The following ATP5F1C variants were observed in gnomAD, a reference collection of about 807,000 sequenced individuals.
ATP5F1C encodes ATP synthase F1 subunit gamma, also known as ATP synthase F(1) complex subunit gamma, mitochondrial.
ATP5F1C carries 22 observed loss-of-function variants against 37.4 expected under a neutral mutation model. That is an observed-to-expected ratio of 0.59 (90% CI 0.42 to 0.84). The LOEUF is 0.84. Among genes scored for constraint, ATP5F1C ranks in the 40% least tolerant of loss-of-function variants. The probability of loss-of-function intolerance (pLI) is 0.00; values close to 1 mark genes in which losing one functional copy is unlikely to be tolerated. For missense variants in ATP5F1C, 286 were observed against 362.4 expected (o/e 0.79, Z 1.71); for synonymous variants, 121 against 128.0 (o/e 0.95, Z 0.37).
In ATP5F1C at chr10:7,802,282, T is replaced by A; in HGVS notation, c.650T>A (p.Ile217Asn). The A allele has an allele frequency of 6.2e-7, 1 of 1,611,184 alleles. No individual in the cohort carries two copies. Among genetic ancestry groups the A allele is most frequent in the African/African-American group, 1.3e-5 (1 of 74,996 alleles). ...CTTGTTTTAACAGACAGCATGAGTA[T>A]CTATGACGATATTGATGCTGACGTG... ...NTVASADSMS[I>N]YDDIDADVLQ... The change falls in exon 7 of 10, where the codon ATC becomes AAC. Residue 217 changes from isoleucine to asparagine, a missense_variant. Physicochemically the swap from Ile to Asn is moderately radical, Grantham distance 149. Coordinates refer to ENST00000356708, the MANE Select transcript of ATP5F1C (RefSeq NM_001001973.3).
rs775348836 is a variant in ATP5F1C, at chr10:7,802,277, G to A, written c.645G>A (p.Met215Ile). ...CATCACTTGTTTTAACAGACAGCATGAGTATCTATGACGATATTGATGCTG... is the reference window on the plus strand; with the variant it reads ...CATCACTTGTTTTAACAGACAGCATAAGTATCTATGACGATATTGATGCTG... ...SLNTVASADS[M>I]SIYDDIDADV... Residue 215 changes from methionine (M) to isoleucine (I), a missense_variant, in exon 7 of 10, where the codon ATG (methionine) becomes ATA (isoleucine). Met to Ile is a conservative substitution (Grantham distance 10). Transcript: ENST00000356708. 3.4e-5 allele frequency: 55 copies of A among 1,608,332 alleles called. No homozygotes were observed. Among genetic ancestry groups the A allele is most frequent in the Non-Finnish European group, 4.6e-5 (54 of 1,177,966 alleles).
chr10:7,796,950 A>C, intron 2 of ATP5F1C, 97 bp from the exon 3 acceptor site: 1 of 1,340,854 alleles, frequency 7.5e-7, no homozygotes, highest in South Asian at 1.4e-5. Context: ...CTAAGCGCTC[A>C]TTATTCTGCC....
At chr10:7,804,524 G>A (rs1334947821) in intron 8 of ATP5F1C, among the ~76,000 whole-genome samples, 2 of 152,180 alleles carry the variant, frequency 1.3e-5, no homozygotes, top group Non-Finnish European at 2.9e-5. Context: ...ACTGCCTCCT[G>A]TGTATCCTTC....
intron 8 of ATP5F1C, among the ~76,000 whole-genome samples, chr10:7,803,685 G>A (rs1347663765): frequency 6.6e-6 from 1 of 152,170 alleles, no homozygotes; most frequent in African/African-American, 2.4e-5. Context: ...TTATTAAGTT[G>A]AATACCCACT....
chr10:7,799,985 A>G (rs1836322494), intron 5 of ATP5F1C, 42 bp from the exon 6 acceptor site: 1 of 1,607,386 alleles, frequency 6.2e-7, no homozygotes. Context: ...ATAACAGTTT[A>G]AAAATTATTT....
chr10:7,804,794 TG>T (rs1355481089), intron 8 of ATP5F1C, among the ~76,000 whole-genome samples: 4 of 152,230 alleles, frequency 2.6e-5, no homozygotes, highest in African/African-American at 4.8e-5. Context: ...TATTCAGAAC[TG>T]GAAGTTCAGA....
In ATP5F1C at chr10:7,799,435, A is replaced by G. The variant is rs572074272; in HGVS notation, c.428+241A>G. The G allele has an allele frequency of 2.3e-5, 13 of 563,122 alleles. No homozygotes were observed. In the South Asian group the frequency reaches 2.6e-4, roughly 11 times the overall value. 34.9% of individuals were successfully genotyped at this position (563,122 alleles called of 1,614,324 possible). Reference sequence around the variant, plus strand: ...GCTTCTTCATCCGGATCATAAGTTGAATGCCATGTGAATATCAAAAGCTAT... The same window carrying G: ...GCTTCTTCATCCGGATCATAAGTTGGATGCCATGTGAATATCAAAAGCTAT... On this transcript the variant is annotated intron_variant, in intron 4 of 9. Transcript: ENST00000356708.
intron 2 of ATP5F1C, 119 bp downstream of exon 2, chr10:7,796,274 G>A (rs2131061534): frequency 1.2e-6 from 1 of 843,522 alleles, no homozygotes; most frequent in African/African-American, 1.8e-5. Context: ...CTGACCAAAT[G>A]GATTTCCATT....
chr10:7,802,496 TC>T, intron 7 of ATP5F1C, 71 bp downstream of exon 7: 2 of 1,526,376 alleles, frequency 1.3e-6, no homozygotes, highest in Non-Finnish European at 1.8e-6. Flanking sequence ...CTGAGAGGAG[TC>T]CGTGGCCGAG....
intron 3 of ATP5F1C, 95 bp downstream of exon 3, chr10:7,797,273 C>A: frequency 6.8e-7 from 1 of 1,471,086 alleles, no homozygotes; most frequent in Non-Finnish European, 9.2e-7. Flanking sequence ...TGATGTCAAG[C>A]CTATCTGAGC....
intron 8 of ATP5F1C, among the ~76,000 whole-genome samples, chr10:7,804,443 G>C (rs1307525867): frequency 3.3e-5 from 5 of 152,142 alleles, no homozygotes; most frequent in African/African-American, 1.2e-4. Context: ...CTTTCTCGCG[G>C]CCAGGGAGTG....
At chr10:7,795,868 A>G (rs572476963) in intron 1 of ATP5F1C, among the ~76,000 whole-genome samples, 68 of 152,298 alleles carry the variant, frequency 4.5e-4, no homozygotes, top group Non-Finnish European at 7.5e-4. Context: ...GTGTGAGTCA[A>G]TAGAGCATGT....
At chr10:7,788,935 G>A (rs1836106663) in intron 1 of ATP5F1C, among the ~76,000 whole-genome samples, 1 of 151,934 alleles carries the variant, frequency 6.6e-6, no homozygotes, top group South Asian at 2.1e-4. Context: ...TGCTGAAACC[G>A]TAACCCTGCA....
intron 6 of ATP5F1C, 115 bp from the exon 7 acceptor site, chr10:7,802,155 C>T (rs1337099607): frequency 9.7e-7 from 1 of 1,035,758 alleles, no homozygotes; most frequent in South Asian, 1.8e-5. Flanking sequence ...TTTACCTTAT[C>T]TAGCATTAAT....
chr10:7,799,604 C>G, intron 4 of ATP5F1C, 168 bp from the exon 5 acceptor site: 1 of 703,876 alleles, frequency 1.4e-6, no homozygotes, highest in Non-Finnish European at 2.3e-6. Flanking sequence ...TTTGCAGGTG[C>G]TGAAGGAAAG....
chr10:7,795,124 ACC>A (rs1836217293), intron 1 of ATP5F1C, among the ~76,000 whole-genome samples: 1 of 152,238 alleles, frequency 6.6e-6, no homozygotes, highest in Non-Finnish European at 1.5e-5. Flanking sequence ...TAAGATTTAA[ACC>A]AATTTGCTTT....
At chr10:7,801,719 A>G (rs1836369894) in intron 6 of ATP5F1C, 1 of 153,296 alleles carries the variant, frequency 6.5e-6, no homozygotes, top group South Asian at 2.0e-4. Flanking sequence ...AATATTTTAA[A>G]GAATTTTCTG....
At chr10:7,795,583 G>A (rs894327054) in intron 1 of ATP5F1C, among the ~76,000 whole-genome samples, 8 of 152,130 alleles carry the variant, frequency 5.3e-5, no homozygotes, top group Non-Finnish European at 1.0e-4. Context: ...AGACCATGTC[G>A]TGTTTACCAG....
rs894695076 is a variant in ATP5F1C at position 7,797,034 on chromosome 10, T to C, written c.92-13T>C. On this transcript the variant is annotated splice_polypyrimidine_tract_variant and intron_variant, in intron 2 of 9. Coordinates refer to ENST00000356708, the MANE Select transcript of ATP5F1C (RefSeq NM_001001973.3). ...TAATTCCTTTGTCTTAACACAGTAC[T>C]TCTATTTTTCAGTCACCAGGAGACT... 2 of 1,612,856 alleles carry C rather than the reference T, an allele frequency of 1.2e-6. No homozygotes were observed. Among genetic ancestry groups the C allele is most frequent in the African/African-American group, 2.7e-5 (2 of 74,836 alleles).
Sources: gnomAD v4.1 joint callset for allele counts (sites outside exome capture counted in the v4.1 genomes callset) on GRCh38, gnomAD v4.1.1 for gene constraint, MANE v1.5 for transcripts, NCBI Gene and HGNC (gene_info 2026-07-23, HGNC 2026-07-21) for gene names.